The following TENM3 variants were observed in gnomAD, a reference collection of about 807,000 sequenced individuals.
The protein encoded by TENM3 is teneurin transmembrane protein 3.
Under a neutral mutation model 255.1 loss-of-function variants are expected in TENM3, and 63 were observed. The ratio of observed to expected loss-of-function variants is 0.25; its 90% CI spans 0.20 to 0.30. The LOEUF (loss-of-function observed/expected upper bound fraction) is 0.30, where lower values mean the gene tolerates loss of function less well. Ranked by LOEUF, TENM3 falls within the 10% of genes least tolerant of loss-of-function variation. TENM3 has a pLI of 1.00. For synonymous variants in TENM3, 1,306 were observed against 1,322.3 expected (o/e 0.99, Z 0.27); for missense variants, 2,929 against 3,461.1 (o/e 0.85, Z 3.86).
intron 12 of TENM3, among the ~76,000 whole-genome samples, chr4:182,700,366 A>T (rs1757757493): frequency 6.6e-6 from 1 of 152,214 alleles, no homozygotes; most frequent in Admixed American, 6.5e-5. Context: ...TGAATATGAC[A>T]AGTTGAAAAT....
At chr4:181,786,377 C>CA in the TENM3 span, among the ~76,000 whole-genome samples, 14 of 152,220 alleles carry the variant, frequency 9.2e-5, no homozygotes, top group East Asian at 2.1e-3. Context: ...GGGAGTCATA[C>CA]AAAATATGAG....
chr4:181,504,040 C>T, the TENM3 span, among the ~76,000 whole-genome samples: 1 of 152,230 alleles, frequency 6.6e-6, no homozygotes, highest in African/African-American at 2.4e-5. Flanking sequence ...TCCACTTGAG[C>T]ACTGTGCCTT....
At chr4:181,834,823 A>G in the TENM3 span, 1 of 152,220 alleles carries the variant, frequency 6.6e-6, no homozygotes, top group Non-Finnish European at 1.5e-5. Flanking sequence ...AGGAGCTCTA[A>G]AGAAAAGGAT....
chr4:181,965,129 G>C, the TENM3 span, among the ~76,000 whole-genome samples: 1 of 152,156 alleles, frequency 6.6e-6, no homozygotes, highest in Non-Finnish European at 1.5e-5. Context: ...ATAAAATTAT[G>C]AAAATAAATT....
At chr4:181,553,522 A>G in the TENM3 span, among the ~76,000 whole-genome samples, 1 of 151,766 alleles carries the variant, frequency 6.6e-6, no homozygotes, top group Non-Finnish European at 1.5e-5. Context: ...GCTCACTGCA[A>G]GCTCCGCCTC....
At chr4:182,406,515 T>C (rs1769591775) in intron 3 of TENM3, among the ~76,000 whole-genome samples, 1 of 152,098 alleles carries the variant, frequency 6.6e-6, no homozygotes, top group African/African-American at 2.4e-5. Flanking sequence ...TGGGGAACAA[T>C]GATGGAACAC....
the TENM3 span, among the ~76,000 whole-genome samples, chr4:181,748,737 AGGGG>A: frequency 3.3e-5 from 5 of 152,082 alleles, no homozygotes; most frequent in Non-Finnish European, 5.9e-5. Flanking sequence ...CTTGTCATGT[AGGGG>A]AAGGCTGTGC....
chr4:181,958,106 T>C, the TENM3 span, among the ~76,000 whole-genome samples: 8 of 152,220 alleles, frequency 5.3e-5, no homozygotes, highest in Admixed American at 6.5e-5. Flanking sequence ...CTGTTCATAC[T>C]GTTAAAGAAA....
At chr4:181,478,401 C>T in the TENM3 span, among the ~76,000 whole-genome samples, 1 of 152,178 alleles carries the variant, frequency 6.6e-6, no homozygotes, top group Non-Finnish European at 1.5e-5. Context: ...GTTGCTGCTA[C>T]TCCTTGCTGC....
At chr4:181,797,205 G>T in the TENM3 span, among the ~76,000 whole-genome samples, 1 of 149,710 alleles carries the variant, frequency 6.7e-6, no homozygotes, top group East Asian at 2.0e-4. Context: ...AATCCTAAAA[G>T]AAGTCTATGA....
intron 5 of TENM3, among the ~76,000 whole-genome samples, chr4:182,638,725 A>T (rs1752055861): frequency 6.6e-6 from 1 of 152,206 alleles, no homozygotes; most frequent in Non-Finnish European, 1.5e-5. Flanking sequence ...CCAGCCTGGC[A>T]TGACATTGGC....
the TENM3 span, among the ~76,000 whole-genome samples, chr4:181,757,682 C>T: frequency 6.6e-6 from 1 of 152,244 alleles, no homozygotes; most frequent in East Asian, 1.9e-4. Flanking sequence ...AAAGGTAATG[C>T]CCATTAATTT....
At chr4:181,459,937 T>C in the TENM3 span, among the ~76,000 whole-genome samples, 2 of 151,954 alleles carry the variant, frequency 1.3e-5, no homozygotes. Context: ...CTCCTGATCA[T>C]GGTATCTCTC....
chr4:181,673,848 G>GTGTGTA, the TENM3 span, among the ~76,000 whole-genome samples: 840 of 36,546 alleles, frequency 0.023, 11 homozygotes, highest in East Asian at 0.083. Context: ...AGTGTGTGGT[G>GTGTGTA]TGTGTGTGTG....
chr4:182,636,656 G>T (rs984698390), intron 5 of TENM3, among the ~76,000 whole-genome samples: 1 of 151,698 alleles, frequency 6.6e-6, no homozygotes, highest in Admixed American at 6.6e-5. Flanking sequence ...GGCAGAGGTT[G>T]CAGCGAGCAG....
the TENM3 span, among the ~76,000 whole-genome samples, chr4:181,524,862 A>T: frequency 6.6e-6 from 1 of 152,138 alleles, no homozygotes; most frequent in South Asian, 2.1e-4. Context: ...CTCTCCTCGG[A>T]CCACGCACCC....
chr4:182,181,889 C>T (rs1298679657), intron 1 of TENM3, among the ~76,000 whole-genome samples: 2 of 136,298 alleles, frequency 1.5e-5, no homozygotes, highest in African/African-American at 5.4e-5. Flanking sequence ...GGCTAATGTC[C>T]TGTTTTTTTT....
At chr4:181,474,250 C>T in the TENM3 span, among the ~76,000 whole-genome samples, 1 of 152,040 alleles carries the variant, frequency 6.6e-6, no homozygotes. Flanking sequence ...ACCACCATGG[C>T]ATGTGTATAC....
rs57257112 is a variant in TENM3, at chr4:182,237,375, C to CTTTTTTTTT, written c.-75-86563_-75-86562insTTTTTTTTT. Among the ~76,000 whole-genome samples the CTTTTTTTTT allele has an allele frequency of 7.5e-4, 111 of 148,170 alleles. 1 individual carries two copies. Among genetic ancestry groups the CTTTTTTTTT allele is most frequent in the African/African-American group, 2.1e-3 (82 of 39,722 alleles). ...CCTTTAAACCCAGACATTCTGTTTT[C>CTTTTTTTTT]TTTTTTTTGAAACGGAGTCTCACTC... On this transcript the variant is annotated intron_variant, in intron 1 of 2. Coordinates refer to the TENM3 transcript ENST00000512480.
Sources: allele counts gnomAD v4.1 joint callset (sites outside exome capture counted in the v4.1 genomes callset), GRCh38; gene constraint gnomAD v4.1.1; transcripts MANE v1.5; gene names NCBI Gene and HGNC (gene_info 2026-07-23, HGNC 2026-07-21).